The following MYOF variants were observed in gnomAD, a reference collection of about 807,000 sequenced individuals.
The protein encoded by MYOF is myoferlin, also known as fer-1-like 3, myoferlin.
In MYOF, 244 loss-of-function variants were observed where a neutral mutation model predicts 284.2. That is an observed-to-expected ratio of 0.86 (90% CI 0.77 to 0.95). The LOEUF (loss-of-function observed/expected upper bound fraction) is 0.95. MYOF is among the 40% of genes least tolerant of loss of function. The pLI, the probability that MYOF is intolerant of heterozygous loss-of-function variation, is 0.00. For missense variants in MYOF, 2,496 were observed against 2,560.6 expected (o/e 0.97, Z 0.54); for synonymous variants, 904 against 919.7 (o/e 0.98, Z 0.31).
At chr10:93,332,261 C>T (rs934576640) in intron 43 of MYOF, among the ~76,000 whole-genome samples, 12 of 150,136 alleles carry the variant, frequency 8.0e-5, no homozygotes, top group East Asian at 2.0e-4. Flanking sequence ...CTTGCTCTGT[C>T]GCCCAGGCTG....
intron 7 of MYOF, 55 bp from the exon 8 acceptor site, chr10:93,404,274 G>A: frequency 6.4e-7 from 1 of 1,571,694 alleles, no homozygotes; most frequent in Non-Finnish European, 8.7e-7. Flanking sequence ...CGGGTTAGGG[G>A]AATCTGATAC....
At chr10:93,351,343 A>C (rs1844497766) in intron 34 of MYOF, 48 bp from the exon 35 acceptor site, 1 of 1,608,978 alleles carries the variant, frequency 6.2e-7, no homozygotes, top group Admixed American at 1.7e-5. Flanking sequence ...AGTTCAAGCA[A>C]ACAGTGCCTA....
chr10:93,398,495 GTACT>G (rs1443366024), intron 13 of MYOF, among the ~76,000 whole-genome samples: 1 of 152,118 alleles, frequency 6.6e-6, no homozygotes, highest in African/African-American at 2.4e-5. Context: ...ACAGAATCTG[GTACT>G]TAATGACTTT....
chr10:93,315,670 G>A (rs980712869), intron 50 of MYOF, among the ~76,000 whole-genome samples: 3 of 152,128 alleles, frequency 2.0e-5, no homozygotes, highest in African/African-American at 7.2e-5. Context: ...CAGGCACTAT[G>A]AGAGCGCAGG....
chr10:93,396,510 T>C (rs1048239749), intron 15 of MYOF, among the ~76,000 whole-genome samples: 6 of 152,328 alleles, frequency 3.9e-5, no homozygotes, highest in Admixed American at 6.5e-5. Flanking sequence ...CAGATGGTCC[T>C]CCAGTCACCC....
chr10:93,431,901 AC>A (rs1848891939), intron 3 of MYOF, among the ~76,000 whole-genome samples: 1 of 151,150 alleles, frequency 6.6e-6, no homozygotes, highest in Non-Finnish European at 1.5e-5. Context: ...ACCCACCACC[AC>A]GCCCAGCTAA....
rs757819386 is a variant in MYOF at position 93,369,651 on chromosome 10, A to G, written c.2583T>C (p.Ala861=). ...GTGAAATCATTAAAGGTACCATTTCAGCAAAGACGGTGAAAGTTCCTTCTG... is the reference window on the plus strand; with the variant it reads ...GTGAAATCATTAAAGGTACCATTTCGGCAAAGACGGTGAAAGTTCCTTCTG... ...SFAEGTFTVF[A]EMYENQALMF... The change falls in exon 25 of 54, where the codon GCT becomes GCC. Residue 861 remains alanine, a synonymous_variant. Coordinates refer to ENST00000359263, the MANE Select transcript of MYOF (RefSeq NM_013451.4). 6.2e-7 allele frequency: 1 copy of G among 1,614,218 alleles called. No homozygotes were observed. Among genetic ancestry groups the G allele is most frequent in the Admixed American group, 1.7e-5 (1 of 60,024 alleles).
intron 38 of MYOF, among the ~76,000 whole-genome samples, chr10:93,340,778 AC>A (rs1843862789): frequency 1.3e-5 from 2 of 151,946 alleles, no homozygotes; most frequent in Non-Finnish European, 2.9e-5. Context: ...TTAATGGAGA[AC>A]CCACCCCAAT....
chr10:93,334,537 A>G (rs78780599), intron 41 of MYOF, among the ~76,000 whole-genome samples: 7,826 of 152,246 alleles, frequency 0.051, 303 homozygotes, highest in Middle Eastern at 0.075. Context: ...GGGAGCATAA[A>G]GTCTTGTTCA....
chr10:93,399,555 T>C (rs1405623216), intron 12 of MYOF, 60 bp from the exon 13 acceptor site: 1 of 1,256,438 alleles, frequency 8.0e-7, no homozygotes, highest in Non-Finnish European at 1.1e-6. Flanking sequence ...TTGGCAAAAT[T>C]TTAAAAGTTC....
At chr10:93,473,812 C>G (rs1446783782) in intron 1 of MYOF, among the ~76,000 whole-genome samples, 1 of 152,188 alleles carries the variant, frequency 6.6e-6, no homozygotes, top group African/African-American at 2.4e-5. Context: ...GCAAATGAAC[C>G]ATGGCTCAGC....
rs775643885 is a variant in MYOF, at chr10:93,359,880, G to A, written c.3073C>T (p.Arg1025Ter). ...YHTHRRRRLV[R>*]KRKKDLTQTA... Reference sequence around the variant, plus strand: ...TGTGTTAAATCTTTCTTGCGTTTTCGGACCAGCCTTCGCCGTCTATGAGTG... The same window carrying A: ...TGTGTTAAATCTTTCTTGCGTTTTCAGACCAGCCTTCGCCGTCTATGAGTG... The change falls in exon 29 of 54, where the codon CGA becomes TGA. Residue 1025 changes from arginine to a stop codon, truncating the protein, a stop_gained. Transcript: ENST00000359263. LOFTEE classifies it high-confidence loss of function. 22 of 1,614,104 alleles carry A rather than the reference G, an allele frequency of 1.4e-5. No individual in the cohort carries two copies. The highest frequency in any genetic ancestry group is 1.9e-5 in the Non-Finnish European group (22 of 1,180,038).
At chr10:93,403,497 C>T (rs1847401170) in intron 9 of MYOF, among the ~76,000 whole-genome samples, 1 of 152,222 alleles carries the variant, frequency 6.6e-6, no homozygotes, top group Admixed American at 6.5e-5. Flanking sequence ...CCCAGATCAT[C>T]CTCTAGGACT....
intron 5 of MYOF, among the ~76,000 whole-genome samples, chr10:93,420,431 A>C (rs533077127): frequency 6.6e-5 from 10 of 152,280 alleles, no homozygotes; most frequent in African/African-American, 2.4e-4. Context: ...AGTGAAAAGA[A>C]CATCTTTGAC....
At position 93,457,145 on chromosome 10, in the gene MYOF, A is replaced by G. The variant is rs140049014; in HGVS notation, c.89-208T>C. Reference sequence around the variant, plus strand: ...ACAAGGTTTTCCCATCTCCAGGTCTACATGGAGTTAAGGGATGTGATGTTC... The same window carrying G: ...ACAAGGTTTTCCCATCTCCAGGTCTGCATGGAGTTAAGGGATGTGATGTTC... On this transcript the variant is annotated intron_variant, in intron 1 of 53. Coordinates refer to ENST00000359263, the MANE Select transcript of MYOF (RefSeq NM_013451.4). 1.1e-4 allele frequency among the ~76,000 whole-genome samples: 17 copies of G among 152,336 alleles called. No individual in the cohort carries two copies. In the East Asian group the frequency reaches 3.3e-3, roughly 29 times the overall value.
rs1297717156 is a variant in MYOF at position 93,471,413 on chromosome 10, C to CAT, written c.88+10693_88+10694insAT. ...CAACCACTAAACAACTCAATCTGTT[C>CAT]AGAGAGAGAGGAACTGTTTATGTGA... is the stretch of plus-strand genomic sequence containing the variant. On this transcript the variant is annotated intron_variant, in intron 1 of 53. Transcript: ENST00000359263. Among the ~76,000 whole-genome samples, 5 of 151,736 alleles carry CAT rather than the reference C, an allele frequency of 3.3e-5. 1 individual carries two copies. The highest frequency in any genetic ancestry group is 1.2e-4 in the African/African-American group (5 of 41,244).
rs560013931 is a variant in MYOF at position 93,442,678 on chromosome 10, G to A, written c.236+9372C>T. ...TATAATGGTGGTTTTGCATGCACAA[G>A]TACATGTATTTGGAGGGCAGAAAGA... On this transcript the variant is annotated intron_variant, in intron 3 of 53. Coordinates refer to ENST00000359263, the MANE Select transcript of MYOF (RefSeq NM_013451.4). Among the ~76,000 whole-genome samples the A allele has an allele frequency of 4.2e-4, 64 of 152,318 alleles. 1 individual carries two copies. Among genetic ancestry groups the A allele is most frequent in the Middle Eastern group, 6.8e-3 (2 of 294 alleles).
At chr10:93,434,256 C>T (rs184701297) in intron 3 of MYOF, among the ~76,000 whole-genome samples, 1 of 151,994 alleles carries the variant, frequency 6.6e-6, no homozygotes, top group African/African-American at 2.4e-5. Flanking sequence ...CATGGTGAAA[C>T]CCCGTCTCTA....
At chr10:93,355,210 C>CA (rs1176172001) in intron 31 of MYOF, among the ~76,000 whole-genome samples, 4 of 152,176 alleles carry the variant, frequency 2.6e-5, no homozygotes, top group Non-Finnish European at 5.9e-5. Context: ...GTCACGTTTG[C>CA]ATGAAGAGAT....
Sources: allele counts gnomAD v4.1 joint callset (sites outside exome capture counted in the v4.1 genomes callset), GRCh38; gene constraint gnomAD v4.1.1; transcripts MANE v1.5; gene names NCBI Gene and HGNC (gene_info 2026-07-23, HGNC 2026-07-21).